The following NAALADL2 variants were observed in gnomAD, a reference collection of about 807,000 sequenced individuals.
NAALADL2 encodes the protein inactive N-acetylated-alpha-linked acidic dipeptidase-like protein 2.
NAALADL2 carries 76 observed loss-of-function variants against 87.2 expected under a neutral mutation model. The ratio of observed to expected loss-of-function variants is 0.87; its 90% CI spans 0.72 to 1.05. The LOEUF (loss-of-function observed/expected upper bound fraction) is 1.05, where lower values mean the gene tolerates loss of function less well. Among genes scored for constraint, NAALADL2 ranks in the 50% least tolerant of loss-of-function variants. The pLI is 0.00. For missense variants in NAALADL2, 1,089 were observed against 945.8 expected (o/e 1.15, Z -1.99); for synonymous variants, 354 against 331.0 (o/e 1.07, Z -0.75).
intron 2 of NAALADL2, among the ~76,000 whole-genome samples, chr3:175,107,995 A>G (rs187227416): frequency 1.3e-5 from 2 of 151,938 alleles, no homozygotes; most frequent in Non-Finnish European, 2.9e-5. Flanking sequence ...TCCTTTCATT[A>G]TAACTGGAGA....
chr3:175,564,763 T>C (rs1716834422), intron 9 of NAALADL2, among the ~76,000 whole-genome samples: 1 of 152,194 alleles, frequency 6.6e-6, no homozygotes, highest in Admixed American at 6.5e-5. Flanking sequence ...GTCTGGTTTA[T>C]CCAGTGTCTT....
At chr3:174,602,081 G>A (rs904839518) in intron 2 of NAALADL2, among the ~76,000 whole-genome samples, 2 of 151,752 alleles carry the variant, frequency 1.3e-5, no homozygotes, top group African/African-American at 4.8e-5. Context: ...AGGTAACTGA[G>A]CATAGCTTTG....
At chr3:175,190,819 A>G (rs1738044782) in intron 2 of NAALADL2, among the ~76,000 whole-genome samples, 1 of 151,870 alleles carries the variant, frequency 6.6e-6, no homozygotes, top group African/African-American at 2.4e-5. Context: ...TACTAAAAAT[A>G]CAAAAAAAAT....
chr3:174,712,719 TAAAAGAAGAA>T (rs1386197092), intron 2 of NAALADL2, among the ~76,000 whole-genome samples: 1 of 152,162 alleles, frequency 6.6e-6, no homozygotes, highest in Non-Finnish European at 1.5e-5. Context: ...GTATTTCATG[TAAAAGAAGAA>T]GATATTCCTT....
chr3:175,174,500 A>C (rs1735388029), intron 2 of NAALADL2, among the ~76,000 whole-genome samples: 1 of 152,066 alleles, frequency 6.6e-6, no homozygotes, highest in African/African-American at 2.4e-5. Context: ...CATGAAAATG[A>C]AAAAAATTAT....
intron 13 of NAALADL2, among the ~76,000 whole-genome samples, chr3:175,768,358 T>A (rs1483011128): frequency 6.6e-6 from 1 of 152,156 alleles, no homozygotes; most frequent in Non-Finnish European, 1.5e-5. Flanking sequence ...AGGGCCTCTG[T>A]ATACACTTTT....
chr3:174,835,139 C>T (rs1265732649), intron 3 of NAALADL2, among the ~76,000 whole-genome samples: 1 of 151,880 alleles, frequency 6.6e-6, no homozygotes, highest in African/African-American at 2.4e-5. Context: ...TAAATGTACA[C>T]ATATATAGTG....
intron 2 of NAALADL2, among the ~76,000 whole-genome samples, chr3:174,574,844 T>A (rs1233831531): frequency 2.0e-5 from 3 of 152,128 alleles, no homozygotes; most frequent in African/African-American, 7.2e-5. Flanking sequence ...TGATGTTGCT[T>A]GTATCAATAA....
chr3:175,148,727 ACT>A (rs1731136186), intron 2 of NAALADL2, among the ~76,000 whole-genome samples: 2 of 151,926 alleles, frequency 1.3e-5, no homozygotes, highest in Non-Finnish European at 2.9e-5. Flanking sequence ...TATTTTATTG[ACT>A]CTGTCAAAGA....
intron 5 of NAALADL2, among the ~76,000 whole-genome samples, chr3:175,444,992 TG>T (rs746089640): frequency 2.0e-5 from 3 of 152,206 alleles, no homozygotes; most frequent in Non-Finnish European, 4.4e-5. Flanking sequence ...TCCTGTAGCC[TG>T]GATACCAGTA....
At chr3:175,204,864 TAATAA>T (rs1238583713) in intron 2 of NAALADL2, among the ~76,000 whole-genome samples, 2 of 151,480 alleles carry the variant, frequency 1.3e-5, no homozygotes, top group Non-Finnish European at 3.0e-5. Flanking sequence ...AAAATAATAA[TAATAA>T]AATAAAATAA....
chr3:175,061,728 A>AATATATATAT lies in NAALADL2; in HGVS notation c.44-35046_44-35037dup, dbSNP rs149495848. On this transcript the variant is annotated intron_variant, in intron 1 of 13. Transcript: ENST00000454872. ...TTAGTTTCACCTGCTCACTTGCACA[A>AATATATATAT]ATATATATATATATATATATATATA... 6.8e-3 allele frequency among the ~76,000 whole-genome samples: 966 copies of AATATATATAT among 141,524 alleles called. 12 individuals carry two copies. The highest frequency in any genetic ancestry group is 0.042 in the East Asian group (205 of 4,846). 92.8% of individuals were successfully genotyped at this position (141,524 alleles called of 152,430 possible). A position where few individuals can be genotyped will look rare whatever the true frequency, so the allele number is the denominator to read the frequency against.
chr3:175,790,620 TC>T (rs1215255666), intron 13 of NAALADL2, among the ~76,000 whole-genome samples: 1 of 152,184 alleles, frequency 6.6e-6, no homozygotes, highest in Non-Finnish European at 1.5e-5. Context: ...AGTTTCAGTT[TC>T]CTCACCTTGG....
chr3:175,325,157 T>G (rs1425349745), intron 5 of NAALADL2, among the ~76,000 whole-genome samples: 6 of 145,738 alleles, frequency 4.1e-5, no homozygotes, highest in Non-Finnish European at 9.0e-5. Context: ...TTTTTGTTTT[T>G]TTTTCCCCAA....
At chr3:175,693,465 G>A (rs1737308381) in intron 11 of NAALADL2, among the ~76,000 whole-genome samples, 2 of 152,088 alleles carry the variant, frequency 1.3e-5, no homozygotes, top group African/African-American at 4.8e-5. Context: ...TACTGACCAG[G>A]ACCCAAGGAC....
chr3:174,601,531 T>C (rs1718461463), intron 2 of NAALADL2, among the ~76,000 whole-genome samples: 1 of 152,130 alleles, frequency 6.6e-6, no homozygotes, highest in Admixed American at 6.6e-5. Flanking sequence ...GCTTCTTATA[T>C]ATTCCAGTTA....
At chr3:174,447,468 A>T (rs1715139962) in intron 1 of NAALADL2, among the ~76,000 whole-genome samples, 1 of 152,234 alleles carries the variant, frequency 6.6e-6, no homozygotes, top group Non-Finnish European at 1.5e-5. Flanking sequence ...TAAGTTAAAT[A>T]TTCAGAACCA....
At chr3:175,563,751 A>C (rs1306111283) in intron 9 of NAALADL2, among the ~76,000 whole-genome samples, 5 of 152,066 alleles carry the variant, frequency 3.3e-5, no homozygotes, top group African/African-American at 1.2e-4. Context: ...TGAGTGAAAG[A>C]CTCCTTGGTA....
intron 10 of NAALADL2, among the ~76,000 whole-genome samples, chr3:175,594,493 G>A (rs531979542): frequency 1.3e-5 from 2 of 152,008 alleles, no homozygotes; most frequent in Non-Finnish European, 2.9e-5. Flanking sequence ...TGTCTTTTTG[G>A]TGGAATAATT....
Sources: gnomAD v4.1 joint callset for allele counts (sites outside exome capture counted in the v4.1 genomes callset) on GRCh38, gnomAD v4.1.1 for gene constraint, MANE v1.5 for transcripts, NCBI Gene and HGNC (gene_info 2026-07-23, HGNC 2026-07-21) for gene names.